Variants in LRRIQ3 observed in about 807,000 individuals in gnomAD.
LRRIQ3 encodes the protein leucine-rich repeat and IQ domain-containing protein 3.
A neutral mutation model predicts 59.3 loss-of-function variants in LRRIQ3; 75 were observed. The ratio of observed to expected loss-of-function variants is 1.26; its 90% CI spans 1.05 to 1.53. The LOEUF (loss-of-function observed/expected upper bound fraction) is 1.53, where lower values mean the gene tolerates loss of function less well. LRRIQ3 is among the 40% of genes most tolerant of loss of function. LRRIQ3 has a pLI of 0.00. For missense variants in LRRIQ3, 831 were observed against 710.0 expected (o/e 1.17, Z -1.94); for synonymous variants, 250 against 231.3 (o/e 1.08, Z -0.73).
rs370845288 is a variant in LRRIQ3 at position 74,114,578 on chromosome 1, TAC to T, written c.708-5027_708-5026del. ...AGTGAAACCCCATCTCTACTAAAAATACAAAAAATTAGCCAGGCGTGGTGGCA... is the reference window on the plus strand; with the variant it reads ...AGTGAAACCCCATCTCTACTAAAAATAAAAAATTAGCCAGGCGTGGTGGCA... On this transcript the variant is annotated intron_variant, in intron 4 of 7. Coordinates refer to ENST00000354431, the MANE Select transcript of LRRIQ3 (RefSeq NM_001105659.2). Among the ~76,000 whole-genome samples, 404 of 151,648 alleles carry T rather than the reference TAC, an allele frequency of 2.7e-3. 4 individuals carry two copies. The South Asian group carries it at 0.031, about 12-fold the overall frequency.
chr1:74,085,526 C>T (rs192067463), intron 5 of LRRIQ3, among the ~76,000 whole-genome samples: 2 of 151,842 alleles, frequency 1.3e-5, no homozygotes, highest in African/African-American at 4.8e-5. Context: ...GAGAATGAAT[C>T]TTCATTCTGG....
chr1:74,192,462 A>G (rs1316635619), intron 1 of LRRIQ3, among the ~76,000 whole-genome samples: 1 of 151,970 alleles, frequency 6.6e-6, no homozygotes, highest in Non-Finnish European at 1.5e-5. Flanking sequence ...CTAAAAACAT[A>G]TTTTTCAGTT....
At chr1:74,086,821 A>C (rs1413626541) in intron 5 of LRRIQ3, among the ~76,000 whole-genome samples, 1 of 152,110 alleles carries the variant, frequency 6.6e-6, no homozygotes, top group Non-Finnish European at 1.5e-5. Context: ...ACAACAAAAA[A>C]CAATTAAACA....
chr1:74,059,389 T>G (rs1275934911), intron 6 of LRRIQ3, among the ~76,000 whole-genome samples: 1 of 151,830 alleles, frequency 6.6e-6, no homozygotes, highest in Non-Finnish European at 1.5e-5. Context: ...TGTTTAGATC[T>G]ATGATCCATT....
At chr1:74,138,166 A>C (rs554809184) in intron 4 of LRRIQ3, among the ~76,000 whole-genome samples, 154 of 82,874 alleles carry the variant, frequency 1.9e-3, no homozygotes, top group African/African-American at 4.1e-3. Context: ...AAACAAACAA[A>C]AAAAAAAAAC....
At chr1:74,109,996 G>A (rs911282874) in intron 4 of LRRIQ3, among the ~76,000 whole-genome samples, 9 of 151,500 alleles carry the variant, frequency 5.9e-5, no homozygotes, top group African/African-American at 2.2e-4. Flanking sequence ...ATATACTCTA[G>A]AGCAGTATGT....
At chr1:74,165,284 ATG>A (rs1394718633) in intron 3 of LRRIQ3, among the ~76,000 whole-genome samples, 2 of 151,516 alleles carry the variant, frequency 1.3e-5, no homozygotes, top group Non-Finnish European at 3.0e-5. Context: ...AATCAGTGTT[ATG>A]TAGTTTTCAG....
At chr1:74,118,468 G>A (rs961840902) in intron 4 of LRRIQ3, among the ~76,000 whole-genome samples, 2 of 151,792 alleles carry the variant, frequency 1.3e-5, no homozygotes, top group African/African-American at 4.8e-5. Context: ...TTCAACAAAG[G>A]ACACACATAA....
At chr1:74,187,353 TACACACACACAC>T (rs58321456) in intron 1 of LRRIQ3, among the ~76,000 whole-genome samples, 9 of 55,298 alleles carry the variant, frequency 1.6e-4, no homozygotes, top group South Asian at 1.4e-3. Context: ...GGTATATGTT[TACACACACACAC>T]ACACACACAC....
intron 3 of LRRIQ3, among the ~76,000 whole-genome samples, chr1:74,163,456 T>C (rs941951908): frequency 4.6e-5 from 7 of 151,604 alleles, no homozygotes; most frequent in Non-Finnish European, 8.9e-5. Context: ...TAGTACATAG[T>C]AGTTATATAA....
intron 7 of LRRIQ3, among the ~76,000 whole-genome samples, chr1:74,033,389 T>C (rs898333810): frequency 6.6e-6 from 1 of 151,716 alleles, no homozygotes; most frequent in African/African-American, 2.4e-5. Context: ...AAAATAAAAG[T>C]GTATAAAGGA....
chr1:74,125,091 C>T (rs1646916477), intron 4 of LRRIQ3, among the ~76,000 whole-genome samples: 1 of 151,540 alleles, frequency 6.6e-6, no homozygotes, highest in South Asian at 2.1e-4. Context: ...TAAGTTAATT[C>T]CTAGGTATCT....
At chr1:74,130,149 C>A (rs1646991517) in intron 4 of LRRIQ3, among the ~76,000 whole-genome samples, 1 of 152,042 alleles carries the variant, frequency 6.6e-6, no homozygotes, top group South Asian at 2.1e-4. Context: ...TGACTCTGAG[C>A]CAGCCCAGCA....
intron 3 of LRRIQ3, among the ~76,000 whole-genome samples, chr1:74,179,522 ATAT>A (rs1649851890): frequency 6.6e-6 from 1 of 151,964 alleles, no homozygotes; most frequent in Non-Finnish European, 1.5e-5. Context: ...TGTTTTCATA[ATAT>A]TCTTATACTC....
At chr1:74,154,234 CCTT>C (rs973221507) in intron 4 of LRRIQ3, among the ~76,000 whole-genome samples, 4 of 75,022 alleles carry the variant, frequency 5.3e-5, no homozygotes, top group African/African-American at 2.3e-4. Flanking sequence ...GAGCGAGACT[CCTT>C]CTCAAAAAAA....
At chr1:74,072,436 G>C (rs933984955) in intron 6 of LRRIQ3, among the ~76,000 whole-genome samples, 2 of 151,736 alleles carry the variant, frequency 1.3e-5, no homozygotes, top group Non-Finnish European at 2.9e-5. Flanking sequence ...ACCATAGATG[G>C]GCTTTGGTGA....
chr1:74,171,228 GA>G (rs1045949745), intron 3 of LRRIQ3, among the ~76,000 whole-genome samples: 1 of 151,632 alleles, frequency 6.6e-6, no homozygotes, highest in Non-Finnish European at 1.5e-5. Context: ...CATATCTTAG[GA>G]AAAAAAACTT....
chr1:74,072,950 CT>C (rs2100474522), intron 6 of LRRIQ3, among the ~76,000 whole-genome samples: 1 of 152,052 alleles, frequency 6.6e-6, no homozygotes, highest in African/African-American at 2.4e-5. Flanking sequence ...ACTAAAAATG[CT>C]TTTGGCTCTT....
chr1:74,116,467 C>T (rs1483656442), intron 4 of LRRIQ3, among the ~76,000 whole-genome samples: 1 of 151,852 alleles, frequency 6.6e-6, no homozygotes, highest in Non-Finnish European at 1.5e-5. Context: ...GAGATAATAA[C>T]TTCAGCAATT....
Sources: allele counts gnomAD v4.1 joint callset (sites outside exome capture counted in the v4.1 genomes callset), GRCh38; gene constraint gnomAD v4.1.1; transcripts MANE v1.5; gene names NCBI Gene and HGNC (gene_info 2026-07-23, HGNC 2026-07-21).